Variants in RBMS3 observed in about 807,000 individuals in gnomAD.
RBMS3 encodes RNA-binding motif, single-stranded-interacting protein 3.
RBMS3 carries 27 observed loss-of-function variants against 66.8 expected under a neutral mutation model. The observed-to-expected ratio is 0.40, with a 90% CI of 0.30 to 0.56. The LOEUF is 0.56. RBMS3 is among the 20% of genes least tolerant of loss of function. RBMS3 has a pLI of 0.40. For synonymous variants in RBMS3, 188 were observed against 183.0 expected (o/e 1.03, Z -0.22); for missense variants, 513 against 549.5 (o/e 0.93, Z 0.66).
At chr3:29,792,708 A>G (rs1328538909) in intron 6 of RBMS3, among the ~76,000 whole-genome samples, 1 of 152,190 alleles carries the variant, frequency 6.6e-6, no homozygotes, top group African/African-American at 2.4e-5. Context: ...AATGCTGTTT[A>G]TTTTTCTGCT....
At chr3:29,343,788 G>C (rs1030165020) in intron 1 of RBMS3, among the ~76,000 whole-genome samples, 1 of 152,132 alleles carries the variant, frequency 6.6e-6, no homozygotes, top group Non-Finnish European at 1.5e-5. Flanking sequence ...TGATCCTAAG[G>C]TCACAACTAG....
At position 29,847,832 on chromosome 3, in the gene RBMS3, G is replaced by A. The variant is rs374689797; in HGVS notation, c.638-21026G>A. The stretch of plus-strand genomic sequence containing the variant: ...CGTCACGCCCGGCTAATTTTCTTGT[G>A]TTTTTAGTAGAGACGGGGTGTCACC... On this transcript the variant is annotated intron_variant, in intron 6 of 14. Transcript: ENST00000383767. Among the ~76,000 whole-genome samples, 418 of 151,986 alleles carry A rather than the reference G, an allele frequency of 2.8e-3. 1 individual carries two copies. Among genetic ancestry groups the A allele is most frequent in the African/African-American group, 9.6e-3 (399 of 41,494 alleles).
At chr3:29,415,633 GAC>G (rs1189153792) in intron 1 of RBMS3, among the ~76,000 whole-genome samples, 1 of 152,142 alleles carries the variant, frequency 6.6e-6, no homozygotes, top group Non-Finnish European at 1.5e-5. Flanking sequence ...ACAATTTGGA[GAC>G]AGTTACCTTA....
chr3:29,481,117 A>G (rs1436457764), intron 2 of RBMS3, among the ~76,000 whole-genome samples: 2 of 152,238 alleles, frequency 1.3e-5, no homozygotes, highest in Non-Finnish European at 2.9e-5. Context: ...GTAGTTAGAC[A>G]TAGTGCCTCC....
At chr3:29,634,720 T>C (rs2049412684) in intron 4 of RBMS3, among the ~76,000 whole-genome samples, 1 of 151,864 alleles carries the variant, frequency 6.6e-6, no homozygotes, top group African/African-American at 2.4e-5. Flanking sequence ...AGTTAAATCC[T>C]TATCTCAGGG....
chr3:29,488,810 T>A (rs933438092), intron 3 of RBMS3, among the ~76,000 whole-genome samples: 1 of 152,216 alleles, frequency 6.6e-6, no homozygotes, highest in Non-Finnish European at 1.5e-5. Context: ...CAAATTGATT[T>A]CCTATATAAA....
chr3:29,472,356 C>A (rs991578002), intron 2 of RBMS3, among the ~76,000 whole-genome samples: 5 of 152,214 alleles, frequency 3.3e-5, no homozygotes, highest in South Asian at 2.1e-4. Context: ...CCATCACGCC[C>A]AGCTAATTTT....
At chr3:29,597,723 T>C (rs1229699770) in intron 4 of RBMS3, among the ~76,000 whole-genome samples, 1 of 152,134 alleles carries the variant, frequency 6.6e-6, no homozygotes, top group African/African-American at 2.4e-5. Flanking sequence ...AGACTTTTTT[T>C]CCCTATTGAA....
chr3:29,774,417 G>A (rs1247587417), intron 6 of RBMS3, among the ~76,000 whole-genome samples: 1 of 151,982 alleles, frequency 6.6e-6, no homozygotes, highest in Non-Finnish European at 1.5e-5. Context: ...CTTAATAAAG[G>A]TCCATTCAAA....
chr3:29,939,398 G>A (rs973127577), intron 11 of RBMS3, among the ~76,000 whole-genome samples: 8 of 151,920 alleles, frequency 5.3e-5, no homozygotes, highest in African/African-American at 1.9e-4. Context: ...AGAAGTGAGA[G>A]GTGGTGCCTT....
At chr3:29,398,825 A>G (rs2039673815) in intron 1 of RBMS3, among the ~76,000 whole-genome samples, 1 of 152,208 alleles carries the variant, frequency 6.6e-6, no homozygotes, top group Non-Finnish European at 1.5e-5. Context: ...TAGTGGATCT[A>G]CACACAAGAG....
At chr3:29,665,560 T>A (rs570456201) in intron 4 of RBMS3, among the ~76,000 whole-genome samples, 42 of 152,300 alleles carry the variant, frequency 2.8e-4, no homozygotes, top group African/African-American at 9.9e-4. Context: ...AACATTCTGA[T>A]AATAGTCCCT....
intron 6 of RBMS3, among the ~76,000 whole-genome samples, chr3:29,821,203 A>T (rs1036566564): frequency 6.6e-6 from 1 of 152,004 alleles, no homozygotes; most frequent in African/African-American, 2.4e-5. Context: ...ATACAATTTG[A>T]TTTTTCTTTT....
chr3:29,869,662 C>A (rs2059443455), intron 7 of RBMS3, among the ~76,000 whole-genome samples: 1 of 151,984 alleles, frequency 6.6e-6, no homozygotes, highest in Non-Finnish European at 1.5e-5. Flanking sequence ...GGAATGGGTT[C>A]TTTTTGTTAC....
intron 4 of RBMS3, among the ~76,000 whole-genome samples, chr3:29,703,752 A>C (rs889867543): frequency 6.6e-6 from 1 of 152,242 alleles, no homozygotes; most frequent in South Asian, 2.1e-4. Context: ...AAATCTTTAA[A>C]TATTCATTTA....
chr3:29,971,581 T>G (rs1236050960), intron 12 of RBMS3, among the ~76,000 whole-genome samples: 1 of 152,168 alleles, frequency 6.6e-6, no homozygotes, highest in Non-Finnish European at 1.5e-5. Context: ...TTTAATTTTT[T>G]ATGTTCTCCT....
chr3:29,382,550 C>CTGAA (rs2038812337), intron 1 of RBMS3, among the ~76,000 whole-genome samples: 1 of 152,122 alleles, frequency 6.6e-6, no homozygotes. Flanking sequence ...AACGAATGCT[C>CTGAA]TGAAGTATTT....
At chr3:29,872,517 G>T (rs1156632513) in intron 7 of RBMS3, among the ~76,000 whole-genome samples, 1 of 152,074 alleles carries the variant, frequency 6.6e-6, no homozygotes, top group East Asian at 1.9e-4. Flanking sequence ...AGGAATTCTT[G>T]GTCTTCAGGC....
intron 6 of RBMS3, among the ~76,000 whole-genome samples, chr3:29,779,479 T>C (rs2149407058): frequency 1.3e-5 from 2 of 151,574 alleles, no homozygotes; most frequent in East Asian, 3.9e-4. Context: ...GATAATGCTT[T>C]TTATTCCTTG....
Sources: gnomAD v4.1 joint callset for allele counts (sites outside exome capture counted in the v4.1 genomes callset) on GRCh38, gnomAD v4.1.1 for gene constraint, MANE v1.5 for transcripts, NCBI Gene and HGNC (gene_info 2026-07-23, HGNC 2026-07-21) for gene names.